Variants in PDE10A observed in about 807,000 individuals in gnomAD.
PDE10A encodes the protein cAMP and cAMP-inhibited cGMP 3',5'-cyclic phosphodiesterase 10A.
In PDE10A, 39 loss-of-function variants were observed where a neutral mutation model predicts 97.7. The observed-to-expected ratio is 0.40, with a 90% confidence interval of 0.31 to 0.52. PDE10A has a LOEUF of 0.52. Among genes scored for constraint, PDE10A ranks in the 20% least tolerant of loss-of-function variants. The pLI is 0.56. For missense variants in PDE10A, 731 were observed against 1,047.8 expected, an observed-to-expected ratio of 0.70 and a Z score of 4.17; for synonymous variants, 371 against 376.8, an observed-to-expected ratio of 0.98 and a Z score of 0.18.
chr6:165,738,343 C>T (rs1434570908), intron 1 of PDE10A, among the ~76,000 whole-genome samples: 2 of 151,748 alleles, frequency 1.3e-5, no homozygotes. Flanking sequence ...GACATGAACT[C>T]ATCATTTTTT....
intron 1 of PDE10A, among the ~76,000 whole-genome samples, chr6:165,844,052 A>T (rs1399062372): frequency 6.6e-6 from 1 of 152,158 alleles, no homozygotes; most frequent in East Asian, 1.9e-4. Context: ...TGCCTCCCAA[A>T]GGAGGCAGGT....
chr6:165,621,459 T>C (rs1344955505), intron 1 of PDE10A, among the ~76,000 whole-genome samples: 11 of 151,988 alleles, frequency 7.2e-5, no homozygotes, highest in Non-Finnish European at 4.4e-5. Flanking sequence ...AAACTGTCAG[T>C]AAAGAAACAC....
chr6:165,402,175 A>T (rs1202801429), intron 13 of PDE10A, among the ~76,000 whole-genome samples: 1 of 152,040 alleles, frequency 6.6e-6, no homozygotes, highest in Non-Finnish European at 1.5e-5. Context: ...TTTTATTGTC[A>T]TTTTATATGT....
intron 1 of PDE10A, chr6:165,987,520 T>A (rs1785258776): frequency 2.8e-6 from 1 of 361,970 alleles, no homozygotes; most frequent in Non-Finnish European, 5.5e-6. Flanking sequence ...AAAAGAACTG[T>A]CAACTTACCC....
rs1780047466 is a variant in PDE10A at position 165,488,529 on chromosome 6, G to T, written c.995-6186C>A. ...CGGTGGACAGAGCAGCCTGTGTAAAGCCACATCGTGAACTTTTGCTCCAAG... is the reference window on the plus strand; with the variant it reads ...CGGTGGACAGAGCAGCCTGTGTAAATCCACATCGTGAACTTTTGCTCCAAG... On this transcript the variant is annotated intron_variant, in intron 2 of 21. Transcript: ENST00000539869. Among the ~76,000 whole-genome samples the T allele has an allele frequency of 2.0e-5, 3 of 152,294 alleles. No individual in the cohort carries two copies. In the South Asian group the frequency reaches 6.2e-4, roughly 32 times the overall value.
At chr6:165,419,475 T>C (rs1003549668) in intron 10 of PDE10A, among the ~76,000 whole-genome samples, 1 of 152,200 alleles carries the variant, frequency 6.6e-6, no homozygotes, top group African/African-American at 2.4e-5. Flanking sequence ...CACTGAGAAG[T>C]AACTTGCCCC....
At chr6:165,473,960 C>G (rs1008564274) in intron 3 of PDE10A, among the ~76,000 whole-genome samples, 4 of 152,198 alleles carry the variant, frequency 2.6e-5, no homozygotes, top group African/African-American at 9.7e-5. Flanking sequence ...TGAACAGATT[C>G]ATACAGAAAC....
intron 1 of PDE10A, among the ~76,000 whole-genome samples, chr6:165,881,547 C>T (rs1414722392): frequency 1.3e-5 from 2 of 148,808 alleles, no homozygotes; most frequent in Non-Finnish European, 3.0e-5. Flanking sequence ...TACAGGTGCG[C>T]ACCACCATGC....
At chr6:165,599,974 A>G (rs575525519) in intron 1 of PDE10A, among the ~76,000 whole-genome samples, 2 of 152,314 alleles carry the variant, frequency 1.3e-5, no homozygotes, top group East Asian at 1.9e-4. Flanking sequence ...GGATTGGCCA[A>G]CTGCCCTCCC....
In PDE10A at chr6:165,693,542, A is replaced by AC. The variant is rs897621877; in HGVS notation, c.-614-149975_-614-149974insG. On this transcript the variant is annotated intron_variant, in intron 1 of 19. Transcript: ENST00000366882. ...GGAGGCTCCACCAAAAAAAAAAAAA[A>AC]AAAAAAAAAACCGAGTGCACTGAAT... Among the ~76,000 whole-genome samples, 127 of 151,460 alleles carry AC rather than the reference A, an allele frequency of 8.4e-4. 1 individual carries two copies. The highest frequency in any genetic ancestry group is 9.1e-4 in the Non-Finnish European group (62 of 67,808).
chr6:165,985,800 T>A (rs1785178041), intron 1 of PDE10A, among the ~76,000 whole-genome samples: 1 of 152,174 alleles, frequency 6.6e-6, no homozygotes, highest in South Asian at 2.1e-4. Flanking sequence ...AACAGTCAGC[T>A]GTCCCCAGTC....
At chr6:165,486,873 T>A (rs1421842465) in intron 2 of PDE10A, among the ~76,000 whole-genome samples, 2 of 152,212 alleles carry the variant, frequency 1.3e-5, no homozygotes, top group African/African-American at 4.8e-5. Flanking sequence ...AGCAGCTGCA[T>A]TCAAAGCCAA....
At chr6:165,789,820 T>G (rs1481638114) in intron 1 of PDE10A, among the ~76,000 whole-genome samples, 1 of 149,900 alleles carries the variant, frequency 6.7e-6, no homozygotes, top group Admixed American at 6.7e-5. Context: ...ACTTTTTTTT[T>G]GCATATATGG....
chr6:165,616,843 A>G (rs1787748057), intron 1 of PDE10A, among the ~76,000 whole-genome samples: 1 of 152,182 alleles, frequency 6.6e-6, no homozygotes, highest in African/African-American at 2.4e-5. Flanking sequence ...TTTTCACAAA[A>G]CATTTAAAAC....
intron 6 of PDE10A, among the ~76,000 whole-genome samples, chr6:165,434,033 A>C: frequency 6.8e-6 from 1 of 147,928 alleles, no homozygotes; most frequent in East Asian, 2.0e-4. Context: ...AAAAAAAAAA[A>C]AAAAAGAAGT....
intron 1 of PDE10A, among the ~76,000 whole-genome samples, chr6:165,954,270 A>G (rs910555947): frequency 6.6e-6 from 1 of 152,190 alleles, no homozygotes; most frequent in African/African-American, 2.4e-5. Context: ...TTAGATGAAA[A>G]TATTATAGTA....
intron 1 of PDE10A, among the ~76,000 whole-genome samples, chr6:165,589,792 A>G (rs1409886965): frequency 6.6e-6 from 1 of 152,236 alleles, no homozygotes; most frequent in African/African-American, 2.4e-5. Context: ...TGCATATGGT[A>G]TGAACTGCAG....
chr6:165,436,266 C>T (rs1790010047), intron 5 of PDE10A, among the ~76,000 whole-genome samples: 2 of 152,162 alleles, frequency 1.3e-5, no homozygotes, highest in South Asian at 2.1e-4. Flanking sequence ...AGACAGCCCT[C>T]TTAACCTAAG....
At chr6:165,837,274 C>T (rs1005415819) in intron 1 of PDE10A, among the ~76,000 whole-genome samples, 3 of 151,918 alleles carry the variant, frequency 2.0e-5, no homozygotes, top group Admixed American at 6.6e-5. Flanking sequence ...TAAGAAAGAA[C>T]AAGATTATAA....
Sources: allele counts gnomAD v4.1 joint callset (sites outside exome capture counted in the v4.1 genomes callset), GRCh38; gene constraint gnomAD v4.1.1; transcripts MANE v1.5; gene names NCBI Gene and HGNC (gene_info 2026-07-23, HGNC 2026-07-21).